DPP10: variants seen among roughly 807,000 people sequenced by gnomAD.
DPP10 encodes inactive dipeptidyl peptidase 10.
A neutral mutation model predicts 120.9 loss-of-function variants in DPP10; 33 were observed. That is an observed-to-expected ratio of 0.27 (90% CI 0.21 to 0.37). DPP10 has a LOEUF of 0.37. Among genes scored for constraint, DPP10 ranks in the 10% least tolerant of loss-of-function variants. The pLI, the probability that DPP10 is intolerant of heterozygous loss-of-function variation, is 1.00. For synonymous variants in DPP10, 337 were observed against 326.1 expected (o/e 1.03, Z -0.36); for missense variants, 816 against 942.8 (o/e 0.87, Z 1.76).
intron 3 of DPP10, among the ~76,000 whole-genome samples, chr2:115,491,652 T>C (rs1343596528): frequency 6.6e-6 from 1 of 152,094 alleles, no homozygotes; most frequent in East Asian, 1.9e-4. Context: ...CTAGCATGTC[T>C]GTGGTCGGGG....
chr2:115,744,130 G>C (rs963505213), intron 9 of DPP10, among the ~76,000 whole-genome samples: 1 of 150,632 alleles, frequency 6.6e-6, no homozygotes, highest in Non-Finnish European at 1.5e-5. Context: ...GGCCCACACT[G>C]AGAGATTCTA....
intron 1 of DPP10, among the ~76,000 whole-genome samples, chr2:114,498,778 A>G (rs533603164): frequency 1.4e-4 from 21 of 152,322 alleles, no homozygotes; most frequent in Admixed American, 4.6e-4. Context: ...CCTACCTCTC[A>G]ACATTGTTAA....
intron 5 of DPP10, among the ~76,000 whole-genome samples, chr2:115,680,312 A>G (rs900655747): frequency 6.6e-6 from 1 of 152,048 alleles, no homozygotes; most frequent in African/African-American, 2.4e-5. Context: ...GTGTATATGT[A>G]ACCAAAATAT....
At position 115,402,854 on chromosome 2, in the gene DPP10, A is replaced by ATATATAT. The variant is rs1553584380; in HGVS notation, c.271+58942_271+58943insTATATAT. The stretch of plus-strand genomic sequence containing the variant: ...AGGACACTACAAGGAAAAAAAAAAA[A>ATATATAT]ATATATATATATATATATATATGTG... On this transcript the variant is annotated intron_variant, in intron 3 of 25. Coordinates refer to ENST00000410059, the MANE Select transcript of DPP10 (RefSeq NM_020868.6). Among the ~76,000 whole-genome samples the ATATATAT allele has an allele frequency of 5.6e-3, 548 of 97,618 alleles. 5 individuals carry two copies. Among genetic ancestry groups the ATATATAT allele is most frequent in the South Asian group, 0.021 (59 of 2,872 alleles). The allele number at this position is 97,618 out of a possible 152,430, so 64.0% of individuals were successfully genotyped here.
intron 3 of DPP10, among the ~76,000 whole-genome samples, chr2:115,490,925 C>T (rs888331368): frequency 2.0e-5 from 3 of 152,154 alleles, no homozygotes; most frequent in Admixed American, 2.0e-4. Flanking sequence ...TGAGACCAGC[C>T]TGGCCAACAT....
chr2:115,286,904 T>C (rs958965648), intron 1 of DPP10, among the ~76,000 whole-genome samples: 2 of 151,930 alleles, frequency 1.3e-5, no homozygotes, highest in Non-Finnish European at 2.9e-5. Flanking sequence ...TACAAAACAG[T>C]TGTGCCATGG....
chr2:114,967,513 T>C (rs977439657), intron 1 of DPP10, among the ~76,000 whole-genome samples: 11 of 152,070 alleles, frequency 7.2e-5, no homozygotes, highest in Non-Finnish European at 1.6e-4. Context: ...TCAAGATAAG[T>C]GCATGGAATT....
Position 114,591,554 on chromosome 2 carries a change from A to ATTTTTTTTTTTTTTTTTTTTT in DPP10, c.60+148734_60+148735insTTTTTTTTTTTTTTTTTTTTT, listed in dbSNP as rs70937292. Among the ~76,000 whole-genome samples, 8 of 124,604 alleles carry ATTTTTTTTTTTTTTTTTTTTT rather than the reference A, an allele frequency of 6.4e-5. 1 individual carries two copies. Among genetic ancestry groups the ATTTTTTTTTTTTTTTTTTTTT allele is most frequent in the African/African-American group, 2.2e-4 (7 of 31,620 alleles). The allele number at this position is 124,604 out of a possible 152,430, so 81.7% of individuals were successfully genotyped here. A position where few individuals can be genotyped will look rare whatever the true frequency, so the allele number is the denominator to read the frequency against. ...CTCAGAATGTACCCAACCTCTTCCT[A>ATTTTTTTTTTTTTTTTTTTTT]TTTTTTTTTTTTTTTTTTGAGATGG... On this transcript the variant is annotated intron_variant, in intron 1 of 25. Transcript: ENST00000410059.
rs867109642 is a variant in DPP10 at position 114,642,362 on chromosome 2, C to A, written c.60+199524C>A. Reference sequence around the variant, plus strand: ...AGTTCCTCAGATAAACATTTTGAAACAGCTGAGATGAAATACAGGTGCGCT... The same window carrying A: ...AGTTCCTCAGATAAACATTTTGAAAAAGCTGAGATGAAATACAGGTGCGCT... On this transcript the variant is annotated intron_variant, in intron 1 of 25. Transcript: ENST00000410059. Among the ~76,000 whole-genome samples the A allele has an allele frequency of 2.1e-4, 32 of 151,890 alleles. 1 individual carries two copies. The highest frequency in any genetic ancestry group is 7.0e-4 in the African/African-American group (29 of 41,194).
chr2:115,556,345 T>C (rs945211969), intron 5 of DPP10, among the ~76,000 whole-genome samples: 1 of 147,562 alleles, frequency 6.8e-6, no homozygotes, highest in African/African-American at 2.5e-5. Flanking sequence ...TAAAACGTTG[T>C]GAGATTTTTT....
At chr2:114,509,685 C>G (rs1683973614) in intron 1 of DPP10, among the ~76,000 whole-genome samples, 1 of 152,072 alleles carries the variant, frequency 6.6e-6, no homozygotes, top group Non-Finnish European at 1.5e-5. Context: ...TCTATGGACT[C>G]CACTTTCTCT....
In DPP10 at chr2:115,805,234, T is replaced by C. The variant is rs532125565; in HGVS notation, c.1701-9559T>C. Among the ~76,000 whole-genome samples, 1,009 of 152,174 alleles carry C rather than the reference T, an allele frequency of 6.6e-3. 5 individuals carry two copies. The highest frequency in any genetic ancestry group is 0.011 in the Non-Finnish European group (773 of 67,994). On this transcript the variant is annotated intron_variant, in intron 19 of 25. Coordinates refer to ENST00000410059, the MANE Select transcript of DPP10 (RefSeq NM_020868.6). ...TGGGCTTAGGACCCTCCCAGCCAGGTGTGGGGTATAATCTCCTGGTGCACC... is the reference window on the plus strand; with the variant it reads ...TGGGCTTAGGACCCTCCCAGCCAGGCGTGGGGTATAATCTCCTGGTGCACC...
intron 17 of DPP10, among the ~76,000 whole-genome samples, chr2:115,786,871 G>A (rs532989003): frequency 6.6e-6 from 1 of 152,300 alleles, no homozygotes; most frequent in South Asian, 2.1e-4. Context: ...GGCTGGAAGA[G>A]GGATCACCCT....
intron 2 of DPP10, among the ~76,000 whole-genome samples, chr2:115,326,148 T>A (rs1244965274): frequency 6.6e-6 from 1 of 152,128 alleles, no homozygotes; most frequent in South Asian, 2.1e-4. Flanking sequence ...GTTATGCAGG[T>A]CTTCCAAATG....
At chr2:115,209,019 A>G (rs2056338580) in intron 1 of DPP10, among the ~76,000 whole-genome samples, 1 of 152,204 alleles carries the variant, frequency 6.6e-6, no homozygotes, top group Non-Finnish European at 1.5e-5. Context: ...GTAAACTGGC[A>G]TGATGTTGGA....
At chr2:115,394,761 T>G (rs2067563705) in intron 3 of DPP10, among the ~76,000 whole-genome samples, 1 of 152,146 alleles carries the variant, frequency 6.6e-6, no homozygotes, top group Non-Finnish European at 1.5e-5. Context: ...ACTCTACAGG[T>G]CAGAGGGCCA....
At chr2:115,413,965 T>C (rs2069159132) in intron 3 of DPP10, among the ~76,000 whole-genome samples, 1 of 152,172 alleles carries the variant, frequency 6.6e-6, no homozygotes, top group Non-Finnish European at 1.5e-5. Flanking sequence ...ATTGACATTC[T>C]GACTAGAGCC....
At chr2:115,579,396 T>A (rs540739109) in intron 5 of DPP10, 4 of 152,326 alleles carry the variant, frequency 2.6e-5, no homozygotes, top group African/African-American at 9.6e-5. Flanking sequence ...ACAAGTTTTT[T>A]AAAGCATTAC....
At chr2:115,163,721 G>T (rs181019519) in intron 1 of DPP10, among the ~76,000 whole-genome samples, 1 of 152,284 alleles carries the variant, frequency 6.6e-6, no homozygotes, top group Non-Finnish European at 1.5e-5. Context: ...CTACCAGTAA[G>T]AAAGATTAGC....
Sources: gnomAD v4.1 joint callset for allele counts (sites outside exome capture counted in the v4.1 genomes callset) on GRCh38, gnomAD v4.1.1 for gene constraint, MANE v1.5 for transcripts, NCBI Gene and HGNC (gene_info 2026-07-23, HGNC 2026-07-21) for gene names.